EPS8L2: variants seen among roughly 807,000 people sequenced by gnomAD.
The protein encoded by EPS8L2 is epidermal growth factor receptor kinase substrate 8-like protein 2.
EPS8L2 carries 81 observed loss-of-function variants against 99.4 expected under a neutral mutation model. That is an observed-to-expected ratio of 0.82 (90% CI 0.68 to 0.98). The LOEUF (loss-of-function observed/expected upper bound fraction) is 0.98, where lower values mean the gene tolerates loss of function less well. Ranked by LOEUF, EPS8L2 falls within the 50% of genes least tolerant of loss-of-function variation. The probability of loss-of-function intolerance (pLI) is 0.00; values close to 1 mark genes in which losing one functional copy is unlikely to be tolerated. For missense variants in EPS8L2, 1,155 were observed against 968.8 expected (o/e 1.19, Z -2.55); for synonymous variants, 509 against 407.3 (o/e 1.25, Z -3.01).
chr11:726,592 C>A (rs1323683085), intron 19 of EPS8L2, 27 bp from the exon 20 acceptor site: 1 of 1,537,664 alleles, frequency 6.5e-7, no homozygotes. Flanking sequence ...CACAGCGCGG[C>A]CCTGACGCCC....
At chr11:713,413 G>T (rs929599312) in intron 4 of EPS8L2, among the ~76,000 whole-genome samples, 1 of 152,176 alleles carries the variant, frequency 6.6e-6, no homozygotes, top group Non-Finnish European at 1.5e-5. Context: ...ACGGAGTCTC[G>T]CTCTGTCACC....
intron 17 of EPS8L2, 100 bp from the exon 18 acceptor site, chr11:725,998 G>A: frequency 1.5e-6 from 2 of 1,322,966 alleles, no homozygotes. Flanking sequence ...TGGTCCGCAG[G>A]CCGGGGCTGT....
chr11:720,559 C>A (rs1444429540), intron 5 of EPS8L2, 38 bp from the exon 6 acceptor site: 1 of 1,578,382 alleles, frequency 6.3e-7, no homozygotes, highest in Non-Finnish European at 8.6e-7. Flanking sequence ...AGTGCCCAGA[C>A]CCCGGGTGCG....
At chr11:723,176 T>C (rs1862235749) in intron 14 of EPS8L2, 65 bp from the exon 15 acceptor site, 4 of 781,852 alleles carry the variant, frequency 5.1e-6, no homozygotes, top group Non-Finnish European at 6.5e-6. Flanking sequence ...CCCTGTCATA[T>C]GCCCCCTCGT....
chr11:710,859 A>G (rs1304353006), intron 4 of EPS8L2, among the ~76,000 whole-genome samples: 1 of 152,056 alleles, frequency 6.6e-6, no homozygotes, highest in East Asian at 1.9e-4. Context: ...CAGAGCCAGA[A>G]CTGCCCACAC....
chr11:719,440 A>G (rs1034310290), intron 4 of EPS8L2, among the ~76,000 whole-genome samples: 11 of 152,220 alleles, frequency 7.2e-5, no homozygotes, highest in African/African-American at 2.7e-4. Context: ...CCAGGCCTGG[A>G]AAGAGGAGAG....
Position 721,570 on chromosome 11 carries a change from C to T in EPS8L2, c.774C>T (p.Ile258=), listed in dbSNP as rs7635. The change falls in exon 10 of 21, where the codon ATC becomes ATT. Residue 258 remains isoleucine, a synonymous_variant. Coordinates refer to ENST00000318562, the MANE Select transcript of EPS8L2 (RefSeq NM_022772.4). ...CTGACCCCCTCTGACCCCAGCAAAT[C>T]CTCAACTGCGCCCTGGACGACATCG... ...LAQKIEKETQ[I]LNCALDDIEW... is the part of the protein sequence containing the mutation. 661,047 of 1,555,866 alleles carry T rather than the reference C, an allele frequency of 0.42. 147,433 individuals are homozygous for T. Among genetic ancestry groups the T allele is most frequent in the Admixed American group, 0.54 (24,599 of 45,866 alleles).
Position 726,762 on chromosome 11 carries a change from C to T in EPS8L2, c.2067+11C>T, listed in dbSNP as rs1862341984. ...AAGGCCTTCCTGGAGGTGAGCCCGC[C>T]TGCGCTCCGGCGCCACGCCCCTCCT... is the stretch of plus-strand genomic sequence containing the variant. On this transcript the variant is annotated intron_variant, in intron 20 of 20. Coordinates refer to ENST00000318562, the MANE Select transcript of EPS8L2 (RefSeq NM_022772.4). The T allele has an allele frequency of 6.3e-7, 1 of 1,586,476 alleles. No individual in the cohort carries two copies. The highest frequency in any genetic ancestry group is 8.6e-7 in the Non-Finnish European group (1 of 1,168,224).
At chr11:706,955 G>C (rs868822355) in intron 1 of EPS8L2, 1 of 152,434 alleles carries the variant, frequency 6.6e-6, no homozygotes, top group African/African-American at 2.4e-5. Context: ...CCTGGTCCCT[G>C]CGTCCAGCTG....
At position 727,214 on chromosome 11, in the gene EPS8L2, G is replaced by GCCCCTTGGTGGTGCCAA; in HGVS notation, c.*240_*241insGTGGTGCCAACCCCTTG. 2.1e-6 allele frequency: 1 copy of GCCCCTTGGTGGTGCCAA among 465,270 alleles called. No individual in the cohort carries two copies. The highest frequency in any genetic ancestry group is 3.9e-6 in the Non-Finnish European group (1 of 258,628). 28.8% of individuals were successfully genotyped at this position (465,270 alleles called of 1,614,324 possible). A position where few individuals can be genotyped will look rare whatever the true frequency, so the allele number is the denominator to read the frequency against. Reference sequence around the variant, plus strand: ...CCAAACCTGCTGCTTGGTGGTGCCAGCCCCTTGTCCACCTTCTCTTGAGGC... The same window carrying GCCCCTTGGTGGTGCCAA: ...CCAAACCTGCTGCTTGGTGGTGCCAGCCCCTTGGTGGTGCCAACCCCTTGTCCACCTTCTCTTGAGGC... On this transcript the variant is annotated 3_prime_UTR_variant, in exon 21 of 21. Transcript: ENST00000318562.
rs1233725176 is a variant in EPS8L2 at position 723,282 on chromosome 11, G to A, written c.1383G>A (p.Lys461=). 6 of 1,606,278 alleles carry A rather than the reference G, an allele frequency of 3.7e-6. No homozygotes were observed. In the Admixed American group the frequency reaches 6.8e-5, roughly 18 times the overall value. ...VSRQSIRNSQ[K]HSPTSEPTPP... ...GACAGTCCATAAGAAACTCCCAGAA[G>A]CACAGCCCCACTTCAGAGCCCACCC... The change falls in exon 15 of 21, where the codon AAG becomes AAA. Residue 461 remains lysine, a synonymous_variant. Transcript: ENST00000318562.
rs1351298487 is a variant in EPS8L2 at position 723,433 on chromosome 11, G to A, written c.1454+80G>A. On this transcript the variant is annotated intron_variant, in intron 15 of 20. Coordinates refer to ENST00000318562, the MANE Select transcript of EPS8L2 (RefSeq NM_022772.4). ...GTCTCTAAAAACATATGGGTACGCT[G>A]CCACCAGGTGGTGGCAAGTGCATTG... 2.3e-4 allele frequency: 134 copies of A among 575,008 alleles called. No individual in the cohort carries two copies. In the East Asian group the frequency reaches 4.3e-3, roughly 18 times the overall value. 35.6% of individuals were successfully genotyped at this position (575,008 alleles called of 1,614,324 possible).
intron 4 of EPS8L2, among the ~76,000 whole-genome samples, chr11:710,752 AAGAG>A: frequency 6.6e-6 from 1 of 152,214 alleles, no homozygotes; most frequent in South Asian, 2.1e-4. Context: ...GAAAGAGAGA[AAGAG>A]AGAAAGAGAG....
At chr11:723,760 TC>T (rs1426543492) in intron 15 of EPS8L2, among the ~76,000 whole-genome samples, 1 of 141,356 alleles carries the variant, frequency 7.1e-6, no homozygotes, top group African/African-American at 2.6e-5. Context: ...TCTCCCCTCC[TC>T]CCACCCCCAG....
At position 726,310 on chromosome 11, in the gene EPS8L2, T is replaced by G. The variant is rs1179001186; in HGVS notation, c.1760T>G (p.Met587Arg). The G allele has an allele frequency of 6.2e-7, 1 of 1,607,740 alleles. No homozygotes were observed. Among genetic ancestry groups the G allele is most frequent in the Non-Finnish European group, 8.5e-7 (1 of 1,178,036 alleles). The change falls in exon 19 of 21, where the codon ATG (methionine) becomes AGG (arginine). Residue 587 changes from methionine (M) to arginine (R), a missense_variant. Transcript: ENST00000318562. Reference protein sequence around the residue: ...PSFPGNKDELMQHMDEVNDEL... With the variant: ...PSFPGNKDELRQHMDEVNDEL... ...GAGTCGCGCGCCCCCTCAGAGCTCA[T>G]GCAGCACATGGACGAGGTCAACGAC... is the stretch of plus-strand genomic sequence containing the variant.
chr11:714,311 C>T (rs1429570580), intron 4 of EPS8L2, among the ~76,000 whole-genome samples: 1 of 151,134 alleles, frequency 6.6e-6, no homozygotes, highest in Non-Finnish European at 1.5e-5. Context: ...TTCACTGCAA[C>T]CTCCACCTCT....
intron 10 of EPS8L2, 66 bp downstream of exon 10, chr11:721,757 A>C (rs1308582416): frequency 6.5e-7 from 1 of 1,547,424 alleles, no homozygotes; most frequent in Non-Finnish European, 8.9e-7. Flanking sequence ...GGGGACAGGG[A>C]CGGGGACGGG....
In EPS8L2 at chr11:720,697, C is replaced by T. The variant is rs757143018; in HGVS notation, c.428C>T (p.Ser143Leu). The T allele has an allele frequency of 1.4e-5, 22 of 1,592,480 alleles. 1 individual carries two copies. Among genetic ancestry groups the T allele is most frequent in the Middle Eastern group, 1.7e-4 (1 of 5,954 alleles). ...GTGCTGCTGCTCGTGTGCCAGGACT[C>T]GGAGCAGAGCAAGCCGGATGTCCAC... ...PSVLLLVCQDSEQSKPDVHFF... is the reference protein window; with the variant it reads ...PSVLLLVCQDLEQSKPDVHFF... Residue 143 changes from serine to leucine, a missense_variant, in exon 6 of 21, where the codon TCG (serine) becomes TTG (leucine). Transcript: ENST00000318562.
chr11:710,353 C>G, intron 3 of EPS8L2, 69 bp from the exon 4 acceptor site: 1 of 1,478,644 alleles, frequency 6.8e-7, no homozygotes, highest in South Asian at 1.1e-5. Context: ...CCTTGTGGGT[C>G]CAGTCCCAAC....
Sources: allele counts gnomAD v4.1 joint callset (sites outside exome capture counted in the v4.1 genomes callset), GRCh38; gene constraint gnomAD v4.1.1; transcripts MANE v1.5; gene names NCBI Gene and HGNC (gene_info 2026-07-23, HGNC 2026-07-21).